The following TTC7B variants were observed in gnomAD, a reference collection of about 807,000 sequenced individuals.
TTC7B encodes tetratricopeptide repeat domain 7B.
TTC7B carries 28 observed loss-of-function variants against 106.8 expected under a neutral mutation model. The ratio of observed to expected loss-of-function variants is 0.26; its 90% confidence interval spans 0.19 to 0.36. TTC7B has a LOEUF of 0.36. Among genes scored for constraint, TTC7B ranks in the 10% least tolerant of loss-of-function variants. The pLI, the probability that TTC7B is intolerant of heterozygous loss-of-function variation, is 1.00. For missense variants in TTC7B, 862 were observed against 1,076.4 expected, an observed-to-expected ratio of 0.80 and a Z score of 2.79; for synonymous variants, 405 against 430.6, an observed-to-expected ratio of 0.94 and a Z score of 0.74.
intron 19 of TTC7B, among the ~76,000 whole-genome samples, chr14:90,556,158 G>A (rs530014223): frequency 8.8e-4 from 134 of 152,366 alleles, no homozygotes; most frequent in African/African-American, 1.2e-3. Context: ...GTCCACTGGC[G>A]GCAGCGCTGG....
intron 17 of TTC7B, among the ~76,000 whole-genome samples, chr14:90,595,553 A>G (rs1205279509): frequency 6.6e-6 from 1 of 152,184 alleles, no homozygotes; most frequent in Non-Finnish European, 1.5e-5. Flanking sequence ...TTGAACTTTG[A>G]TAACAAGGAC....
At chr14:90,633,556 G>T (rs532174059) in intron 15 of TTC7B, among the ~76,000 whole-genome samples, 1 of 152,244 alleles carries the variant, frequency 6.6e-6, no homozygotes, top group South Asian at 2.1e-4. Context: ...TTCTTAACCT[G>T]ATATTTTTTT....
chr14:90,735,885 C>G (rs1338779689), intron 4 of TTC7B, among the ~76,000 whole-genome samples: 1 of 151,848 alleles, frequency 6.6e-6, no homozygotes, highest in Non-Finnish European at 1.5e-5. Context: ...CTAAAATTTA[C>G]CTGAAAGTAT....
At chr14:90,634,280 G>A (rs1884833101) in intron 15 of TTC7B, among the ~76,000 whole-genome samples, 1 of 151,988 alleles carries the variant, frequency 6.6e-6, no homozygotes, top group Admixed American at 6.6e-5. Context: ...TAGTTCAGGG[G>A]TTTAAAAAAT....
intron 6 of TTC7B, among the ~76,000 whole-genome samples, chr14:90,692,382 C>T (rs986110037): frequency 1.3e-5 from 2 of 152,140 alleles, no homozygotes; most frequent in Admixed American, 6.5e-5. Context: ...TGATCTCACA[C>T]CAGATAGAGT....
At position 90,551,063 on chromosome 14, in the gene TTC7B, G is replaced by A. The variant is rs924471436; in HGVS notation, c.2311-9474C>T. The stretch of plus-strand genomic sequence containing the variant: ...TGGCTTCCCCTCAGGCTATTTGCTC[G>A]TACACCACAGATCTGACACTGCTCT... On this transcript the variant is annotated intron_variant, in intron 19 of 19. Coordinates refer to ENST00000328459, the MANE Select transcript of TTC7B (RefSeq NM_001010854.2). Among the ~76,000 whole-genome samples, 14 of 152,236 alleles carry A rather than the reference G, an allele frequency of 9.2e-5. 1 individual carries two copies. Among genetic ancestry groups the A allele is most frequent in the African/African-American group, 2.4e-4 (10 of 41,548 alleles).
intron 9 of TTC7B, among the ~76,000 whole-genome samples, chr14:90,659,367 T>C (rs538494390): frequency 6.6e-6 from 1 of 151,344 alleles, no homozygotes; most frequent in Admixed American, 6.6e-5. Context: ...AAATACTGAG[T>C]TCAAGGCATC....
At chr14:90,706,319 C>T (rs1222075848) in intron 5 of TTC7B, among the ~76,000 whole-genome samples, 1 of 152,050 alleles carries the variant, frequency 6.6e-6, no homozygotes, top group Non-Finnish European at 1.5e-5. Context: ...CCTGCCACCA[C>T]ACCTGGCTAA....
At chr14:90,556,917 G>A (rs1566767939) in intron 19 of TTC7B, among the ~76,000 whole-genome samples, 1 of 152,200 alleles carries the variant, frequency 6.6e-6, no homozygotes, top group Non-Finnish European at 1.5e-5. Context: ...CCAGGGAACG[G>A]GGGGGACATG....
At chr14:90,671,967 G>T (rs1243228512) in intron 9 of TTC7B, among the ~76,000 whole-genome samples, 1 of 152,188 alleles carries the variant, frequency 6.6e-6, no homozygotes, top group Non-Finnish European at 1.5e-5. Flanking sequence ...AAAAGGCTGG[G>T]TCTGCACAAC....
At chr14:90,655,504 T>TC (rs1340841033) in intron 11 of TTC7B, among the ~76,000 whole-genome samples, 17 of 152,044 alleles carry the variant, frequency 1.1e-4, no homozygotes, top group Non-Finnish European at 1.8e-4. Flanking sequence ...AGCCTTTCTT[T>TC]CCCCCCCTAC....
chr14:90,651,260 T>C (rs1885704238), intron 13 of TTC7B, among the ~76,000 whole-genome samples: 1 of 152,222 alleles, frequency 6.6e-6, no homozygotes, highest in African/African-American at 2.4e-5. Flanking sequence ...ATGAAAAACA[T>C]TCTATATTTC....
At chr14:90,651,131 C>A (rs1885699318) in intron 13 of TTC7B, among the ~76,000 whole-genome samples, 1 of 152,086 alleles carries the variant, frequency 6.6e-6, no homozygotes, top group South Asian at 2.1e-4. Flanking sequence ...TTAAATTATC[C>A]ATTTACATTT....
chr14:90,801,338 G>T (rs1299806286), intron 1 of TTC7B, among the ~76,000 whole-genome samples: 1 of 151,944 alleles, frequency 6.6e-6, no homozygotes, highest in Non-Finnish European at 1.5e-5. Context: ...CGAAACCACT[G>T]ACACTTGAAC....
intron 8 of TTC7B, among the ~76,000 whole-genome samples, chr14:90,679,691 C>T (rs1886975964): frequency 6.6e-6 from 1 of 152,186 alleles, no homozygotes; most frequent in Non-Finnish European, 1.5e-5. Flanking sequence ...CTCAGGTGCT[C>T]AGTATACATC....
chr14:90,572,083 A>T (rs542343421), intron 19 of TTC7B, among the ~76,000 whole-genome samples: 1 of 152,338 alleles, frequency 6.6e-6, no homozygotes, highest in Non-Finnish European at 1.5e-5. Context: ...GACGAGAGAG[A>T]GAGAAAAACA....
chr14:90,605,816 A>G (rs774459233), intron 17 of TTC7B: 103 of 1,176,148 alleles, frequency 8.8e-5, no homozygotes, highest in Non-Finnish European at 1.1e-4. Flanking sequence ...TAGAAACACA[A>G]AGAAAAAAAT....
intron 19 of TTC7B, among the ~76,000 whole-genome samples, chr14:90,557,072 G>A (rs1890343143): frequency 1.3e-5 from 2 of 152,024 alleles, no homozygotes; most frequent in African/African-American, 2.4e-5. Flanking sequence ...GCCTGAGACA[G>A]GGGGTCCTAG....
chr14:90,761,171 C>CCTCTGT (rs1890487233), intron 3 of TTC7B, among the ~76,000 whole-genome samples: 1 of 139,960 alleles, frequency 7.1e-6, no homozygotes, highest in African/African-American at 3.2e-5. Context: ...AACTCAACTG[C>CCTCTGT]CAATGAAGGA....
Sources: allele counts gnomAD v4.1 joint callset (sites outside exome capture counted in the v4.1 genomes callset), GRCh38; gene constraint gnomAD v4.1.1; transcripts MANE v1.5; gene names NCBI Gene and HGNC (gene_info 2026-07-23, HGNC 2026-07-21).